The following FEZ1 variants were observed in gnomAD, a reference collection of about 807,000 sequenced individuals.
FEZ1 encodes the protein fasciculation and elongation protein zeta-1.
Under a neutral mutation model 49.3 loss-of-function variants are expected in FEZ1, and 20 were observed. The ratio of observed to expected loss-of-function variants is 0.41; its 90% confidence interval spans 0.29 to 0.59. FEZ1 has a LOEUF of 0.59. Ranked by LOEUF, FEZ1 falls within the 20% of genes least tolerant of loss-of-function variation. The pLI, the probability that FEZ1 is intolerant of heterozygous loss-of-function variation, is 0.36. For synonymous variants in FEZ1, 170 were observed against 180.9 expected (o/e 0.94, Z 0.48); for missense variants, 413 against 476.0 (o/e 0.87, Z 1.23).
chr11:125,493,992 A>C (rs78885365), intron 1 of FEZ1, among the ~76,000 whole-genome samples: 1,832 of 152,296 alleles, frequency 0.012, 34 homozygotes, highest in African/African-American at 0.032. Context: ...TGTAGAGAAA[A>C]TGGATTCATC....
At chr11:125,450,529 TCTTTGGCCTATGTA>T (rs1798826983) in intron 8 of FEZ1, among the ~76,000 whole-genome samples, 1 of 152,238 alleles carries the variant, frequency 6.6e-6, no homozygotes, top group African/African-American at 2.4e-5. Flanking sequence ...CAGGAGCTGG[TCTTTGGCCTATGTA>T]CTTAGTTCAA....
At chr11:125,494,834 C>G (rs1490692822) in intron 1 of FEZ1, among the ~76,000 whole-genome samples, 1 of 152,134 alleles carries the variant, frequency 6.6e-6, no homozygotes, top group African/African-American at 2.4e-5. Flanking sequence ...TGAGCTGACC[C>G]GAGTGGAGCG....
At chr11:125,452,262 C>G (rs1026498679) in intron 8 of FEZ1, 72 bp downstream of exon 8, 1 of 1,031,256 alleles carries the variant, frequency 9.7e-7, no homozygotes, top group Non-Finnish European at 1.5e-6. Flanking sequence ...GCCTGCGGCA[C>G]GGAGGTACAA....
chr11:125,493,414 GA>G (rs1565306937), intron 1 of FEZ1, among the ~76,000 whole-genome samples: 3 of 71,594 alleles, frequency 4.2e-5, no homozygotes, highest in Admixed American at 1.6e-4. Flanking sequence ...AAGAAAGAAA[GA>G]AAGAAAGAAG....
At chr11:125,467,869 C>T (rs1032304071) in intron 3 of FEZ1, among the ~76,000 whole-genome samples, 3 of 152,098 alleles carry the variant, frequency 2.0e-5, no homozygotes, top group Non-Finnish European at 2.9e-5. Flanking sequence ...ATTCACTATC[C>T]TGGACTTCCA....
rs1408895841 is a variant in FEZ1 at position 125,446,099 on chromosome 11, G to T, written c.1175C>A (p.Thr392Asn). The part of the protein sequence containing the change: ...TDYILKVLCP[T>N] ...AGGCTGCTCCAAAGGGCAAGGTTAGGTAGGGCAGAGCACTGCAACGAGAAG... is the reference window on the plus strand; with the variant it reads ...AGGCTGCTCCAAAGGGCAAGGTTAGTTAGGGCAGAGCACTGCAACGAGAAG... Residue 392 changes from threonine to asparagine, a missense_variant, in exon 10 of 10, where the codon ACC becomes AAC. Thr to Asn is a moderately conservative substitution (Grantham distance 65). Coordinates refer to ENST00000278919, the MANE Select transcript of FEZ1 (RefSeq NM_005103.5). The T allele has an allele frequency of 6.2e-7, 1 of 1,613,934 alleles. No homozygotes were observed. The highest frequency in any genetic ancestry group is 1.3e-5 in the African/African-American group (1 of 74,944).
Position 125,474,191 on chromosome 11 carries a change from A to ATTT in FEZ1, c.411+7340_411+7342dup, listed in dbSNP as rs34135138. On this transcript the variant is annotated intron_variant, in intron 3 of 9. Coordinates refer to ENST00000278919, the MANE Select transcript of FEZ1 (RefSeq NM_005103.5). ...AGGCACGTGCCACCATGCCAGGCTA[A>ATTT]TTTTTTTTTTTTTTTTTTTTGTATT... Among the ~76,000 whole-genome samples the ATTT allele has an allele frequency of 5.0e-3, 639 of 128,424 alleles. 8 individuals are homozygous for ATTT. The highest frequency in any genetic ancestry group is 0.018 in the African/African-American group (595 of 33,134). 84.3% of individuals were successfully genotyped at this position (128,424 alleles called of 152,430 possible).
At chr11:125,488,905 C>T (rs1225331682) in intron 2 of FEZ1, 2 of 985,298 alleles carry the variant, frequency 2.0e-6, no homozygotes, top group African/African-American at 1.7e-5. Context: ...AATCTGCATA[C>T]TCAAAGGCCA....
intron 1 of FEZ1, among the ~76,000 whole-genome samples, chr11:125,490,387 C>T (rs1201926080): frequency 6.6e-6 from 1 of 152,164 alleles, no homozygotes; most frequent in Non-Finnish European, 1.5e-5. Context: ...GAAATATTAA[C>T]TTTTTAATTA....
In FEZ1 at chr11:125,493,266, A is replaced by G. The variant is rs374685985; in HGVS notation, c.-46+2855T>C. ...GGAGAATCGCTTGAGCCCAAGAGGC[A>G]GAGGTTGCAGTGAGCCGAGATCATG... is the stretch of plus-strand genomic sequence containing the variant. On this transcript the variant is annotated intron_variant, in intron 1 of 9. Coordinates refer to ENST00000278919, the MANE Select transcript of FEZ1 (RefSeq NM_005103.5). Among the ~76,000 whole-genome samples the G allele has an allele frequency of 1.0e-2, 1,504 of 150,636 alleles. 24 individuals carry two copies. The highest frequency in any genetic ancestry group is 0.027 in the African/African-American group (1,095 of 40,742).
At chr11:125,451,770 C>T (rs1444395917) in intron 8 of FEZ1, among the ~76,000 whole-genome samples, 2 of 152,186 alleles carry the variant, frequency 1.3e-5, no homozygotes, top group Non-Finnish European at 2.9e-5. Flanking sequence ...ACTGTTTTCC[C>T]TCATAGTTCA....
At position 125,448,487 on chromosome 11, in the gene FEZ1, T is replaced by C. The variant is rs201598933; in HGVS notation, c.1162+15A>G. The C allele has an allele frequency of 1.6e-5, 26 of 1,586,592 alleles. No individual in the cohort carries two copies. The highest frequency in any genetic ancestry group is 1.7e-5 in the Admixed American group (1 of 59,952). On this transcript the variant is annotated intron_variant, in intron 9 of 9. Coordinates refer to ENST00000278919, the MANE Select transcript of FEZ1 (RefSeq NM_005103.5). ...AGAACCCCTTCTGCTCCAGGAGGCC[T>C]GGGGCTGCTCTTACCTTTTAAAATG...
chr11:125,463,260 C>T, intron 4 of FEZ1: 1 of 291,596 alleles, frequency 3.4e-6, no homozygotes, highest in Non-Finnish European at 6.3e-6. Flanking sequence ...GAGCCAAGAT[C>T]ACGCCACTGC....
chr11:125,461,321 T>C (rs1314961387), intron 4 of FEZ1, among the ~76,000 whole-genome samples: 1 of 152,082 alleles, frequency 6.6e-6, no homozygotes, highest in East Asian at 1.9e-4. Flanking sequence ...AAAAGTGAAT[T>C]ACTAGCTGGG....
At chr11:125,456,763 G>T (rs1417887817) in intron 5 of FEZ1, among the ~76,000 whole-genome samples, 1 of 152,116 alleles carries the variant, frequency 6.6e-6, no homozygotes, top group Non-Finnish European at 1.5e-5. Flanking sequence ...ACTTTAAGAA[G>T]TCTCCTAAGA....
At chr11:125,460,284 C>T (rs1316253505) in intron 5 of FEZ1, 12 of 444,810 alleles carry the variant, frequency 2.7e-5, no homozygotes, top group Non-Finnish European at 4.3e-5. Flanking sequence ...TTAGTTTTAA[C>T]ATTTAAATTT....
At chr11:125,491,434 T>A (rs1044633321) in intron 1 of FEZ1, among the ~76,000 whole-genome samples, 18 of 152,190 alleles carry the variant, frequency 1.2e-4, no homozygotes, top group African/African-American at 3.9e-4. Flanking sequence ...TCAATCAATA[T>A]GTGCTCGTTG....
chr11:125,464,995 G>A (rs1240897834), intron 3 of FEZ1, among the ~76,000 whole-genome samples: 7 of 152,188 alleles, frequency 4.6e-5, no homozygotes, highest in Non-Finnish European at 1.5e-5. Flanking sequence ...ACTTTCTTCA[G>A]GCCAGAAAAT....
At chr11:125,493,362 AAAAGAAAGAAAGAAAG>A (rs555223569) in intron 1 of FEZ1, among the ~76,000 whole-genome samples, 1,059 of 49,504 alleles carry the variant, frequency 0.021, 41 homozygotes, top group Non-Finnish European at 0.027. Flanking sequence ...AGAAAGAGAG[AAAAGAAAGAAAGAAAG>A]AAAGAAAGAA....
Sources: allele counts gnomAD v4.1 joint callset (sites outside exome capture counted in the v4.1 genomes callset), GRCh38; gene constraint gnomAD v4.1.1; transcripts MANE v1.5; gene names NCBI Gene and HGNC (gene_info 2026-07-23, HGNC 2026-07-21).